Variants in TIAM1 observed in about 807,000 individuals in gnomAD.
The protein encoded by TIAM1 is rho guanine nucleotide exchange factor TIAM1.
In TIAM1, 65 loss-of-function variants were observed where a neutral mutation model predicts 163.5. The ratio of observed to expected loss-of-function variants is 0.40; its 90% CI spans 0.33 to 0.49. The LOEUF (loss-of-function observed/expected upper bound fraction) is 0.49. Ranked by LOEUF, TIAM1 falls within the 20% of genes least tolerant of loss-of-function variation. TIAM1 has a pLI of 0.77. For missense variants in TIAM1, 1,789 were observed against 2,044.7 expected (o/e 0.87, Z 2.41); for synonymous variants, 833 against 810.1 (o/e 1.03, Z -0.48).
intron 10 of TIAM1, chr21:31,213,184 G>C: frequency 2.1e-6 from 1 of 482,612 alleles, no homozygotes. Flanking sequence ...TATGGGAAAT[G>C]TTATGTCAGC....
chr21:31,197,831 AG>A (rs1569009510), intron 12 of TIAM1, among the ~76,000 whole-genome samples: 1 of 152,126 alleles, frequency 6.6e-6, no homozygotes, highest in East Asian at 1.9e-4. Flanking sequence ...TAAATTCAGA[AG>A]ACCAGTTCAT....
chr21:31,308,549 G>A (rs568489008), intron 2 of TIAM1, among the ~76,000 whole-genome samples: 3 of 151,562 alleles, frequency 2.0e-5, no homozygotes, highest in Non-Finnish European at 4.4e-5. Flanking sequence ...TGCTTCAGTC[G>A]CCAGGAATGT....
intron 2 of TIAM1, among the ~76,000 whole-genome samples, chr21:31,405,905 G>C (rs1015616933): frequency 2.0e-5 from 3 of 150,810 alleles, no homozygotes; most frequent in Non-Finnish European, 4.4e-5. Flanking sequence ...AACCAAGTCA[G>C]AGTCTCCAAC....
chr21:31,556,148 C>T (rs914201491), intron 1 of TIAM1, among the ~76,000 whole-genome samples: 1 of 152,136 alleles, frequency 6.6e-6, no homozygotes, highest in Non-Finnish European at 1.5e-5. Context: ...GGGAAAGAGG[C>T]CTTCAGCATC....
At chr21:31,554,058 G>A (rs1430328189) in intron 1 of TIAM1, among the ~76,000 whole-genome samples, 4 of 152,174 alleles carry the variant, frequency 2.6e-5, no homozygotes, top group Non-Finnish European at 4.4e-5. Context: ...AGGCAAGGTG[G>A]GAGGGACAGT....
intron 1 of TIAM1, among the ~76,000 whole-genome samples, chr21:31,496,882 T>C (rs1363067417): frequency 6.6e-6 from 1 of 152,106 alleles, no homozygotes; most frequent in Non-Finnish European, 1.5e-5. Context: ...GGGAGGATGG[T>C]TTCAGAATGA....
chr21:31,470,560 T>G (rs1289684765), intron 1 of TIAM1, among the ~76,000 whole-genome samples: 1 of 151,620 alleles, frequency 6.6e-6, no homozygotes, highest in African/African-American at 2.4e-5. Context: ...CTCGAACTCT[T>G]GACCTCAGGT....
At chr21:31,482,060 AGTGTGTGTGTGTGT>A (rs10523425) in intron 1 of TIAM1, among the ~76,000 whole-genome samples, 32 of 145,684 alleles carry the variant, frequency 2.2e-4, no homozygotes, top group African/African-American at 1.3e-4. Context: ...ACTGGGACAA[AGTGTGTGTGTGTGT>A]GTGTGTGTGT....
intron 4 of TIAM1, among the ~76,000 whole-genome samples, chr21:31,252,835 T>A (rs1389145015): frequency 6.6e-6 from 1 of 152,186 alleles, no homozygotes; most frequent in African/African-American, 2.4e-5. Flanking sequence ...AGCCTCTCAC[T>A]CTGCATTGTG....
intron 2 of TIAM1, among the ~76,000 whole-genome samples, chr21:31,331,166 C>T (rs749297204): frequency 1.3e-5 from 2 of 152,112 alleles, no homozygotes; most frequent in African/African-American, 2.4e-5. Context: ...ACCAAGTAGT[C>T]AACGAAGATG....
At chr21:31,337,749 C>T (rs1363764847) in intron 2 of TIAM1, among the ~76,000 whole-genome samples, 4 of 151,896 alleles carry the variant, frequency 2.6e-5, no homozygotes, top group African/African-American at 4.8e-5. Context: ...TAGACTGGCT[C>T]GGACTCTTGA....
intron 12 of TIAM1, among the ~76,000 whole-genome samples, chr21:31,196,605 C>T (rs2085873348): frequency 6.6e-6 from 1 of 151,874 alleles, no homozygotes; most frequent in Admixed American, 6.6e-5. Context: ...CAGGCATGAG[C>T]CACCATGCCC....
chr21:31,374,442 C>CAAAT (rs1012817538), intron 2 of TIAM1, among the ~76,000 whole-genome samples: 3 of 152,200 alleles, frequency 2.0e-5, no homozygotes, highest in African/African-American at 7.2e-5. Flanking sequence ...TCTGTCCCTC[C>CAAAT]AAATGCCCAT....
intron 2 of TIAM1, among the ~76,000 whole-genome samples, chr21:31,404,864 C>T: frequency 6.6e-6 from 1 of 152,140 alleles, no homozygotes; most frequent in South Asian, 2.1e-4. Context: ...ACACTCATGA[C>T]ATTTATCATT....
At chr21:31,468,713 T>C (rs1176664527) in intron 1 of TIAM1, among the ~76,000 whole-genome samples, 1 of 151,986 alleles carries the variant, frequency 6.6e-6, no homozygotes, top group Non-Finnish European at 1.5e-5. Flanking sequence ...GAGGCGGAAC[T>C]TGCAGTGAGC....
intron 6 of TIAM1, among the ~76,000 whole-genome samples, chr21:31,231,943 C>T (rs536267285): frequency 2.0e-5 from 3 of 151,792 alleles, no homozygotes; most frequent in East Asian, 1.9e-4. Context: ...ACCCGGGAGG[C>T]GGAGGTTGTA....
chr21:31,269,372 CCTA>C (rs2072945074), intron 3 of TIAM1, among the ~76,000 whole-genome samples: 1 of 152,190 alleles, frequency 6.6e-6, no homozygotes, highest in South Asian at 2.1e-4. Flanking sequence ...TCTCCTAAAT[CCTA>C]CTAAGAGAAA....
At chr21:31,473,938 G>A (rs12151992) in intron 1 of TIAM1, among the ~76,000 whole-genome samples, 22 of 152,116 alleles carry the variant, frequency 1.4e-4, no homozygotes, top group Middle Eastern at 3.2e-3. Context: ...TTTATTTGGC[G>A]CACAGTTCTG....
At chr21:31,371,687 G>A (rs959444789) in intron 2 of TIAM1, among the ~76,000 whole-genome samples, 3 of 152,186 alleles carry the variant, frequency 2.0e-5, no homozygotes, top group South Asian at 2.1e-4. Flanking sequence ...AGGAATGACC[G>A]TTGATGAGGT....
Sources: gnomAD v4.1 joint callset for allele counts (sites outside exome capture counted in the v4.1 genomes callset) on GRCh38, gnomAD v4.1.1 for gene constraint, MANE v1.5 for transcripts, NCBI Gene and HGNC (gene_info 2026-07-23, HGNC 2026-07-21) for gene names.